ERC1: variants seen among roughly 807,000 people sequenced by gnomAD.
ERC1 encodes the protein ELKS/RAB6-interacting/CAST family member 1, also known as RAB6 interacting protein 2.
A neutral mutation model predicts 132.0 loss-of-function variants in ERC1; 56 were observed. That is an observed-to-expected ratio of 0.42 (90% CI 0.34 to 0.53). The LOEUF is 0.53. Ranked by LOEUF, ERC1 falls within the 20% of genes least tolerant of loss-of-function variation. The pLI is 0.03. For missense variants in ERC1, 1,202 were observed against 1,349.9 expected (o/e 0.89, Z 1.72); for synonymous variants, 478 against 476.1 (o/e 1.00, Z -0.05).
At chr12:1,093,600 T>C (rs1943532360) in intron 3 of ERC1, among the ~76,000 whole-genome samples, 1 of 152,208 alleles carries the variant, frequency 6.6e-6, no homozygotes, top group African/African-American at 2.4e-5. Context: ...TATGCTATTG[T>C]GATTAATAAA....
intron 16 of ERC1, among the ~76,000 whole-genome samples, chr12:1,398,735 G>T (rs998774479): frequency 2.0e-5 from 3 of 152,112 alleles, no homozygotes; most frequent in Non-Finnish European, 4.4e-5. Flanking sequence ...GGAAGTCTAA[G>T]ATCAAGGCAC....
intron 15 of ERC1, among the ~76,000 whole-genome samples, chr12:1,309,628 C>T (rs1054188832): frequency 7.2e-5 from 11 of 151,824 alleles, no homozygotes; most frequent in East Asian, 1.9e-4. Flanking sequence ...TTTGTCTCTT[C>T]GTTATCTCTC....
chr12:1,038,396 C>T (rs901795234), intron 2 of ERC1, among the ~76,000 whole-genome samples: 8 of 151,424 alleles, frequency 5.3e-5, no homozygotes. Context: ...GAGTCTCGCT[C>T]TGTTGCCCAG....
intron 11 of ERC1, among the ~76,000 whole-genome samples, chr12:1,187,721 G>A (rs1955262071): frequency 6.6e-6 from 1 of 152,090 alleles, no homozygotes; most frequent in Admixed American, 6.5e-5. Flanking sequence ...CACTGCTTTT[G>A]CATATTCATT....
chr12:1,154,193 G>A (rs1444932710), intron 8 of ERC1, among the ~76,000 whole-genome samples: 2 of 150,976 alleles, frequency 1.3e-5, no homozygotes, highest in Non-Finnish European at 2.9e-5. Flanking sequence ...TGGCCGAGTA[G>A]TATTCCATGG....
chr12:1,311,631 G>A (rs771594972), intron 15 of ERC1, among the ~76,000 whole-genome samples: 8 of 151,900 alleles, frequency 5.3e-5, no homozygotes, highest in Admixed American at 1.3e-4. Flanking sequence ...AGTTTTTCTC[G>A]TGTATCAGGC....
chr12:1,093,953 T>TATATATATATATA (rs1943606503), intron 3 of ERC1, among the ~76,000 whole-genome samples: 2 of 23,800 alleles, frequency 8.4e-5, no homozygotes, highest in African/African-American at 1.8e-4. Context: ...ATATATATAT[T>TATATATATATATA]TTTCTATATA....
chr12:1,272,946 TAAAAA>T lies in ERC1; in HGVS notation c.2619+9803_2619+9807del, dbSNP rs56750908. ...CTCAGTGATAGAGTGAGACTCCGTC[TAAAAA>T]AAAAAAAAAAAAAAAAAAAAACCTT... On this transcript the variant is annotated intron_variant, in intron 14 of 18. Coordinates refer to ENST00000360905, the MANE Select transcript of ERC1 (RefSeq NM_178040.4). Among the ~76,000 whole-genome samples, 4 of 87,796 alleles carry T rather than the reference TAAAAA, an allele frequency of 4.6e-5. 1 individual carries two copies. In the South Asian group the frequency reaches 1.3e-3, roughly 28 times the overall value. The allele number at this position is 87,796 out of a possible 152,430, so 57.6% of individuals were successfully genotyped here.
At chr12:1,121,739 C>G (rs1292102870) in intron 7 of ERC1, among the ~76,000 whole-genome samples, 3 of 5,244 alleles carry the variant, frequency 5.7e-4, no homozygotes, top group Non-Finnish European at 1.4e-3. Flanking sequence ...ATCTCTATCT[C>G]TATCTATCTC....
chr12:1,457,136 T>C (rs1354004026), intron 18 of ERC1, among the ~76,000 whole-genome samples: 3 of 152,092 alleles, frequency 2.0e-5, no homozygotes, highest in African/African-American at 7.2e-5. Context: ...GCTGTACAGG[T>C]TTGTAGCCTA....
upstream of ERC1, chr12:990,506 A>G (rs1959171018): frequency 6.6e-6 from 1 of 152,228 alleles, no homozygotes; most frequent in Non-Finnish European, 1.5e-5. Context: ...GGCACAGCGC[A>G]GGGTCGGAAC....
intron 16 of ERC1, among the ~76,000 whole-genome samples, chr12:1,407,863 A>G (rs1407767776): frequency 6.6e-6 from 1 of 151,566 alleles, no homozygotes; most frequent in African/African-American, 2.4e-5. Flanking sequence ...TTAAGGCCCC[A>G]CCCTTATGAC....
chr12:1,276,442 G>A (rs1272382769), intron 14 of ERC1, among the ~76,000 whole-genome samples: 1 of 151,988 alleles, frequency 6.6e-6, no homozygotes, highest in African/African-American at 2.4e-5. Flanking sequence ...GTTTCGCTAT[G>A]TTGACCAGGC....
chr12:1,102,715 C>T (rs889273023), intron 3 of ERC1, among the ~76,000 whole-genome samples: 3 of 152,024 alleles, frequency 2.0e-5, no homozygotes, highest in Non-Finnish European at 2.9e-5. Flanking sequence ...CGTACATTCT[C>T]GTAGAGAATA....
At chr12:1,097,600 G>T (rs1239947685) in intron 3 of ERC1, among the ~76,000 whole-genome samples, 4 of 152,102 alleles carry the variant, frequency 2.6e-5, no homozygotes, top group Non-Finnish European at 5.9e-5. Context: ...GTGGCAGCTT[G>T]CCCTATACAT....
At chr12:1,256,128 G>T (rs1457360765) in intron 13 of ERC1, among the ~76,000 whole-genome samples, 1 of 152,010 alleles carries the variant, frequency 6.6e-6, no homozygotes, top group African/African-American at 2.4e-5. Flanking sequence ...GTTCTTTGTA[G>T]ATTCTGGATA....
rs182891698 is a variant in ERC1, at chr12:1,261,427, T to C, written c.2488-1607T>C. ...ATCCCACATTACTCCAAAATAGTCA[T>C]TCTCATTCATTAGAGGGTTTGAGAA... On this transcript the variant is annotated intron_variant, in intron 13 of 18. Transcript: ENST00000360905. 1.5e-3 allele frequency among the ~76,000 whole-genome samples: 225 copies of C among 152,344 alleles called. 2 individuals are homozygous for C. Among genetic ancestry groups the C allele is most frequent in the Non-Finnish European group, 9.1e-4 (62 of 68,024 alleles).
chr12:1,020,086 C>T (rs945300345), intron 1 of ERC1, among the ~76,000 whole-genome samples: 1 of 152,006 alleles, frequency 6.6e-6, no homozygotes, highest in East Asian at 1.9e-4. Context: ...ATCCAATATG[C>T]GCACTTTAAA....
At chr12:1,356,213 A>AGT (rs71055145) in intron 15 of ERC1, among the ~76,000 whole-genome samples, 1,780 of 129,936 alleles carry the variant, frequency 0.014, 30 homozygotes, top group East Asian at 0.074. Context: ...AAAAAAAAAA[A>AGT]GTGTGTGTGT....
Sources: allele counts gnomAD v4.1 joint callset (sites outside exome capture counted in the v4.1 genomes callset), GRCh38; gene constraint gnomAD v4.1.1; transcripts MANE v1.5; gene names NCBI Gene and HGNC (gene_info 2026-07-23, HGNC 2026-07-21).